The following NDUFB6 variants were observed in gnomAD, a reference collection of about 807,000 sequenced individuals.
NDUFB6 encodes the protein NADH dehydrogenase [ubiquinone] 1 beta subcomplex subunit 6.
In NDUFB6, 23 loss-of-function variants were observed where a neutral mutation model predicts 17.5. The ratio of observed to expected loss-of-function variants is 1.31; its 90% CI spans 0.94 to 1.86. The LOEUF is 1.86. Ranked by LOEUF, NDUFB6 falls within the 40% of genes most tolerant of loss-of-function variation. The pLI, the probability that NDUFB6 is intolerant of heterozygous loss-of-function variation, is 0.00. For synonymous variants in NDUFB6, 60 were observed against 53.5 expected (o/e 1.12, Z -0.53); for missense variants, 167 against 153.8 (o/e 1.09, Z -0.46).
intron 2 of NDUFB6, among the ~76,000 whole-genome samples, chr9:32,560,456 TA>T (rs547129629): frequency 4.9e-4 from 74 of 152,336 alleles, no homozygotes; most frequent in African/African-American, 1.7e-3. Flanking sequence ...AGAGTATAAA[TA>T]AGTGAATGTG....
chr9:32,561,172 A>G (rs1821614411), intron 2 of NDUFB6, among the ~76,000 whole-genome samples: 1 of 152,184 alleles, frequency 6.6e-6, no homozygotes, highest in Non-Finnish European at 1.5e-5. Context: ...TTGTAGAGAG[A>G]GTTTGTGTTG....
chr9:32,567,273 A>G (rs950800527), intron 2 of NDUFB6: 3 of 472,062 alleles, frequency 6.4e-6, no homozygotes, highest in African/African-American at 6.0e-5. Context: ...CCAGAAACTC[A>G]GTGCCATTTT....
At position 32,572,971 on chromosome 9, in the gene NDUFB6, A is replaced by G. The variant is rs770583535; in HGVS notation, c.90T>C (p.Pro30=). 1.6e-5 allele frequency: 25 copies of G among 1,611,720 alleles called. No homozygotes were observed. The highest frequency in any genetic ancestry group is 3.3e-4 in the Middle Eastern group (2 of 6,078). Residue 30 remains proline (P), a synonymous_variant, in exon 1 of 4, where the codon CCT becomes CCC. Coordinates refer to ENST00000379847, the MANE Select transcript of NDUFB6 (RefSeq NM_002493.5). ...RRWLKDQELS[P]REPVLPPQKM... Reference sequence around the variant, plus strand: ...TCTGTGGGGGCAGCACCGGCTCCCGAGGGCTCAGCTCCTGGTCCTTCAGCC... The same window carrying G: ...TCTGTGGGGGCAGCACCGGCTCCCGGGGGCTCAGCTCCTGGTCCTTCAGCC...
intron 2 of NDUFB6, among the ~76,000 whole-genome samples, chr9:32,569,078 C>A (rs1285599823): frequency 6.6e-6 from 1 of 151,964 alleles, no homozygotes; most frequent in East Asian, 1.9e-4. Flanking sequence ...ATTGCCACAG[C>A]CACTCCAGCC....
chr9:32,553,085 C>A lies in NDUFB6; in HGVS notation c.*791G>T, dbSNP rs535758571. On this transcript the variant is annotated 3_prime_UTR_variant, in exon 4 of 4. Coordinates refer to ENST00000379847, the MANE Select transcript of NDUFB6 (RefSeq NM_002493.5). ...TTCACTTAGAGATTTTAGTATTTTACATTCTCATGACAAAATTAACAGCAA... is the reference window on the plus strand; with the variant it reads ...TTCACTTAGAGATTTTAGTATTTTAAATTCTCATGACAAAATTAACAGCAA... 4 of 512,252 alleles carry A rather than the reference C, an allele frequency of 7.8e-6. No homozygotes were observed. Among genetic ancestry groups the A allele is most frequent in the Non-Finnish European group, 1.4e-5 (4 of 290,042 alleles). The allele number at this position is 512,252 out of a possible 1,614,324, so 31.7% of individuals were successfully genotyped here. A position where few individuals can be genotyped will look rare whatever the true frequency, so the allele number is the denominator to read the frequency against.
chr9:32,570,802 T>A (rs1257175230), intron 2 of NDUFB6, among the ~76,000 whole-genome samples, 158 bp downstream of exon 2: 4 of 152,224 alleles, frequency 2.6e-5, no homozygotes, highest in African/African-American at 9.6e-5. Flanking sequence ...CTATACCCAA[T>A]TATGTAACTT....
chr9:32,562,254 G>A lies in NDUFB6; in HGVS notation c.274-3300C>T, dbSNP rs1821647174. Among the ~76,000 whole-genome samples, 3 of 152,254 alleles carry A rather than the reference G, an allele frequency of 2.0e-5. No individual in the cohort carries two copies. In the South Asian group the frequency reaches 6.2e-4, roughly 32 times the overall value. ...TAAAGTCTTTGAGGTCAGGAATTTG[G>A]TCTTGTATATTCTTTCTATAGCAAT... is the stretch of plus-strand genomic sequence containing the variant. On this transcript the variant is annotated intron_variant, in intron 2 of 3. Coordinates refer to ENST00000379847, the MANE Select transcript of NDUFB6 (RefSeq NM_002493.5).
intron 2 of NDUFB6, chr9:32,567,013 C>A (rs1821814467): frequency 6.0e-6 from 3 of 500,162 alleles, no homozygotes; most frequent in Admixed American, 2.4e-5. Context: ...TACGAGGGAG[C>A]TAGAAGCAGA....
chr9:32,557,351 T>C (rs1235167629), intron 3 of NDUFB6, among the ~76,000 whole-genome samples: 1 of 151,056 alleles, frequency 6.6e-6, no homozygotes, highest in Admixed American at 6.6e-5. Flanking sequence ...TTTTTTTTAG[T>C]ACAGATGGTG....
At position 32,573,019 on chromosome 9, in the gene NDUFB6, C is replaced by T. The variant is rs1821979316; in HGVS notation, c.42G>A (p.Gln14=). The change falls in exon 1 of 4, where the codon CAG becomes CAA. Residue 14 remains glutamine, a synonymous_variant. Transcript: ENST00000379847. ...GCCATCGCCTTCTCAGCTCTCGCAG[C>T]TGCTGCAGCCGCAGTTTCTCATCCG... ...YTPDEKLRLQ[Q]LRELRRRWLK... 9 of 1,602,178 alleles carry T rather than the reference C, an allele frequency of 5.6e-6. No individual in the cohort carries two copies. The highest frequency in any genetic ancestry group is 7.7e-6 in the Non-Finnish European group (9 of 1,173,914).
In NDUFB6 at chr9:32,553,092, A is replaced by G; in HGVS notation, c.*784T>C. On this transcript the variant is annotated 3_prime_UTR_variant, in exon 4 of 4. Transcript: ENST00000379847. ...AGAGATTTTAGTATTTTACATTCTC[A>G]TGACAAAATTAACAGCAACCTAAAT... is the stretch of plus-strand genomic sequence containing the variant. The G allele has an allele frequency of 5.9e-6, 3 of 506,298 alleles. No homozygotes were observed. In the South Asian group the frequency reaches 9.1e-5, roughly 15 times the overall value. 31.4% of individuals were successfully genotyped at this position (506,298 alleles called of 1,614,324 possible).
chr9:32,564,678 GTC>G (rs1419080081), intron 2 of NDUFB6, among the ~76,000 whole-genome samples: 1 of 151,990 alleles, frequency 6.6e-6, no homozygotes, highest in East Asian at 1.9e-4. Flanking sequence ...CTTCCAGATT[GTC>G]TCTGCGCACT....
intron 2 of NDUFB6, chr9:32,565,266 C>T (rs996355426): frequency 1.3e-5 from 2 of 150,850 alleles, no homozygotes; most frequent in African/African-American, 4.9e-5. Flanking sequence ...GCACTCCAGC[C>T]AGGAGACACA....
At chr9:32,570,867 T>G (rs1398005134) in intron 2 of NDUFB6, 93 bp downstream of exon 2, 10 of 721,464 alleles carry the variant, frequency 1.4e-5, no homozygotes, top group Non-Finnish European at 2.2e-5. Context: ...TGTTTATAAG[T>G]GGCAGATTAT....
intron 1 of NDUFB6, among the ~76,000 whole-genome samples, chr9:32,572,644 T>A (rs1315802889): frequency 1.3e-5 from 2 of 152,172 alleles, no homozygotes; most frequent in African/African-American, 4.8e-5. Context: ...AACCTAAGTA[T>A]TAAAATTCGC....
chr9:32,557,979 G>C (rs546272786), intron 3 of NDUFB6, among the ~76,000 whole-genome samples: 1 of 152,150 alleles, frequency 6.6e-6, no homozygotes, highest in African/African-American at 2.4e-5. Flanking sequence ...AAATAGACAA[G>C]AACATAGTAT....
chr9:32,568,748 A>ATATATATATATATATTTTTTTTTTTTTT (rs1213123923), intron 2 of NDUFB6: 1 of 114,400 alleles, frequency 8.7e-6, no homozygotes, highest in African/African-American at 3.9e-5. Context: ...ATATATATAT[A>ATATATATATATATATTTTTTTTTTTTTT]TTTTTTTTTT....
rs576287954 is a variant in NDUFB6 at position 32,553,089 on chromosome 9, C to A, written c.*787G>T. The A allele has an allele frequency of 2.0e-6, 1 of 507,832 alleles. No homozygotes were observed. The highest frequency in any genetic ancestry group is 3.5e-6 in the Non-Finnish European group (1 of 287,554). The allele number at this position is 507,832 out of a possible 1,614,324, so 31.5% of individuals were successfully genotyped here. ...CTTAGAGATTTTAGTATTTTACATTCTCATGACAAAATTAACAGCAACCTA... is the reference window on the plus strand; with the variant it reads ...CTTAGAGATTTTAGTATTTTACATTATCATGACAAAATTAACAGCAACCTA... On this transcript the variant is annotated 3_prime_UTR_variant, in exon 4 of 4. Coordinates refer to ENST00000379847, the MANE Select transcript of NDUFB6 (RefSeq NM_002493.5).
At chr9:32,562,422 T>C (rs886447898) in intron 2 of NDUFB6, among the ~76,000 whole-genome samples, 56 of 152,288 alleles carry the variant, frequency 3.7e-4, no homozygotes, top group African/African-American at 1.3e-3. Flanking sequence ...GAGTAAGTTA[T>C]GTTGGGGGCA....
Sources: allele counts gnomAD v4.1 joint callset (sites outside exome capture counted in the v4.1 genomes callset), GRCh38; gene constraint gnomAD v4.1.1; transcripts MANE v1.5; gene names NCBI Gene and HGNC (gene_info 2026-07-23, HGNC 2026-07-21).